Variants in SIPA1L1 observed in about 807,000 individuals in gnomAD.
SIPA1L1 encodes signal induced proliferation associated 1 like 1, also known as signal-induced proliferation-associated 1-like protein 1.
Under a neutral mutation model 162.7 loss-of-function variants are expected in SIPA1L1, and 26 were observed. The observed-to-expected ratio is 0.16, with a 90% CI of 0.12 to 0.22. The LOEUF is 0.22. SIPA1L1 is among the 10% of genes least tolerant of loss of function. The pLI, the probability that SIPA1L1 is intolerant of heterozygous loss-of-function variation, is 1.00. For synonymous variants in SIPA1L1, 829 were observed against 837.4 expected, an observed-to-expected ratio of 0.99 and a Z score of 0.17; for missense variants, 1,874 against 2,241.0, an observed-to-expected ratio of 0.84 and a Z score of 3.31.
intron 2 of SIPA1L1, among the ~76,000 whole-genome samples, chr14:71,433,238 C>G (rs977923657): frequency 2.6e-5 from 4 of 152,182 alleles, no homozygotes; most frequent in Admixed American, 1.3e-4. Flanking sequence ...CTCAGAGTCT[C>G]TATTTCCTGA....
chr14:71,523,045 C>G (rs2052517715), intron 3 of SIPA1L1, among the ~76,000 whole-genome samples: 1 of 152,082 alleles, frequency 6.6e-6, no homozygotes, highest in African/African-American at 2.4e-5. Context: ...GTCAGTCTTA[C>G]AGTTTACTGA....
chr14:71,698,482 A>G (rs969449192), intron 13 of SIPA1L1, among the ~76,000 whole-genome samples: 1 of 152,262 alleles, frequency 6.6e-6, no homozygotes, highest in African/African-American at 2.4e-5. Context: ...AACCAGAATT[A>G]TAAATACTAA....
intron 5 of SIPA1L1, among the ~76,000 whole-genome samples, chr14:71,607,919 T>C (rs2037719098): frequency 6.6e-6 from 1 of 152,190 alleles, no homozygotes; most frequent in East Asian, 1.9e-4. Context: ...GTTCTTTCAG[T>C]ACAAGTTGAT....
intron 2 of SIPA1L1, among the ~76,000 whole-genome samples, chr14:71,505,410 C>T (rs1211184591): frequency 6.8e-6 from 1 of 147,308 alleles, no homozygotes; most frequent in African/African-American, 2.5e-5. Flanking sequence ...TCTCACAGCT[C>T]TCTCTTTCTT....
chr14:71,346,205 C>T (rs569346884), intron 2 of SIPA1L1, among the ~76,000 whole-genome samples: 58 of 152,230 alleles, frequency 3.8e-4, no homozygotes, highest in African/African-American at 1.4e-3. Flanking sequence ...CGCACCCAGT[C>T]AAATTTGTAT....
At chr14:71,630,225 A>G (rs1288667382) in intron 7 of SIPA1L1, among the ~76,000 whole-genome samples, 2 of 152,184 alleles carry the variant, frequency 1.3e-5, no homozygotes, top group Non-Finnish European at 2.9e-5. Context: ...CAGGAAGGAG[A>G]TATCCACCAT....
intron 8 of SIPA1L1, among the ~76,000 whole-genome samples, chr14:71,654,332 C>T (rs934523640): frequency 6.6e-6 from 1 of 152,080 alleles, no homozygotes; most frequent in Non-Finnish European, 1.5e-5. Context: ...AATTACCATT[C>T]TCTCACACTA....
chr14:71,484,247 A>G (rs909040761), intron 2 of SIPA1L1, among the ~76,000 whole-genome samples: 3 of 95,072 alleles, frequency 3.2e-5, no homozygotes, highest in African/African-American at 1.2e-4. Flanking sequence ...TTTATTTGTT[A>G]TTTTGTTTGA....
At chr14:71,400,375 A>G (rs893203837) in intron 2 of SIPA1L1, among the ~76,000 whole-genome samples, 3 of 152,164 alleles carry the variant, frequency 2.0e-5, no homozygotes, top group Non-Finnish European at 2.9e-5. Context: ...CTCGGGACTT[A>G]AGGCTATTTT....
At chr14:71,494,847 G>A (rs2049602329) in intron 2 of SIPA1L1, among the ~76,000 whole-genome samples, 1 of 152,074 alleles carries the variant, frequency 6.6e-6, no homozygotes, top group South Asian at 2.1e-4. Flanking sequence ...ACCATGTTTA[G>A]TCAGGCTGGT....
intron 2 of SIPA1L1, among the ~76,000 whole-genome samples, chr14:71,474,361 ACTG>A (rs1485892727): frequency 6.6e-6 from 1 of 152,156 alleles, no homozygotes; most frequent in Admixed American, 6.5e-5. Context: ...CTGTTGGCCA[ACTG>A]GGAGTGTGCT....
intron 2 of SIPA1L1, among the ~76,000 whole-genome samples, chr14:71,362,534 C>T (rs1377532119): frequency 1.3e-5 from 2 of 152,174 alleles, no homozygotes; most frequent in South Asian, 4.1e-4. Context: ...ATTTGAGTCA[C>T]AGAAAACAGG....
In SIPA1L1 at chr14:71,614,478, T is replaced by C. The variant is rs74995204; in HGVS notation, c.1499-4279T>C. On this transcript the variant is annotated intron_variant, in intron 5 of 23. Transcript: ENST00000381232. ...TTTTTGAAAAAGTAGAGTCTGGTGA[T>C]GATAGTGGTGAATTTAGCATGGGAA... Among the ~76,000 whole-genome samples, 45 of 152,242 alleles carry C rather than the reference T, an allele frequency of 3.0e-4. No homozygotes were observed. In the East Asian group the frequency reaches 3.5e-3, roughly 12 times the overall value.
At chr14:71,475,381 G>A (rs180856541) in intron 2 of SIPA1L1, among the ~76,000 whole-genome samples, 17 of 152,220 alleles carry the variant, frequency 1.1e-4, no homozygotes, top group African/African-American at 3.6e-4. Context: ...TTATTAATTG[G>A]TGAGAACAAT....
intron 2 of SIPA1L1, among the ~76,000 whole-genome samples, chr14:71,417,410 T>C (rs2042853722): frequency 8.3e-6 from 1 of 120,402 alleles, no homozygotes. Flanking sequence ...GGGCGGAGCC[T>C]GCAGTGAGCC....
intron 2 of SIPA1L1, among the ~76,000 whole-genome samples, chr14:71,346,347 G>T (rs1337179333): frequency 6.6e-6 from 1 of 152,190 alleles, no homozygotes; most frequent in Non-Finnish European, 1.5e-5. Flanking sequence ...TTTTTAGAAG[G>T]TAGAGGTGGA....
rs779158710 is a variant in SIPA1L1 at position 71,724,804 on chromosome 14, G to A, written c.4583G>A (p.Ser1528Asn). 3 of 1,614,154 alleles carry A rather than the reference G, an allele frequency of 1.9e-6. No individual in the cohort carries two copies. The highest frequency in any genetic ancestry group is 1.7e-6 in the Non-Finnish European group (2 of 1,180,022). ...EDLKKLIDLESPTPESQKSFK... is the reference protein window; with the variant it reads ...EDLKKLIDLENPTPESQKSFK... ...CTAAAGAAACTAATTGATCTTGAAA[G>A]CCCAACTCCTGAATCACAGAAGAGT... The change falls in exon 19 of 24, where the codon AGC becomes AAC. Residue 1528 changes from serine to asparagine, a missense_variant. Around this residue, in one of 5 missense-constraint regions of SIPA1L1, gnomAD observed 936 missense variants for 1,051.9 expected, o/e 0.89. Transcript: ENST00000381232.
At chr14:71,438,559 A>G (rs1246768086) in intron 2 of SIPA1L1, among the ~76,000 whole-genome samples, 2 of 152,232 alleles carry the variant, frequency 1.3e-5, no homozygotes, top group African/African-American at 2.4e-5. Context: ...AGAGGATTCA[A>G]CAGTATACAT....
At chr14:71,690,656 A>G (rs2081190859) in intron 13 of SIPA1L1, among the ~76,000 whole-genome samples, 1 of 152,096 alleles carries the variant, frequency 6.6e-6, no homozygotes, top group South Asian at 2.1e-4. Flanking sequence ...TCCAAAAGGT[A>G]TTCCTGATTT....
Sources: allele counts gnomAD v4.1 joint callset (sites outside exome capture counted in the v4.1 genomes callset), GRCh38; gene constraint gnomAD v4.1.1; regional missense constraint gnomAD v4.1.1; transcripts MANE v1.5; gene names NCBI Gene and HGNC (gene_info 2026-07-23, HGNC 2026-07-21).